NELL2: variants seen among roughly 807,000 people sequenced by gnomAD.
NELL2 encodes protein kinase C-binding protein NELL2.
A neutral mutation model predicts 109.6 loss-of-function variants in NELL2; 41 were observed. The ratio of observed to expected loss-of-function variants is 0.37; its 90% CI spans 0.29 to 0.49. NELL2 has a LOEUF of 0.49. NELL2 is among the 20% of genes least tolerant of loss of function. The pLI is 0.98. For synonymous variants in NELL2, 355 were observed against 344.7 expected (o/e 1.03, Z -0.33); for missense variants, 900 against 1,008.3 (o/e 0.89, Z 1.45).
At chr12:44,547,858 CT>C (rs1942865163) in intron 15 of NELL2, among the ~76,000 whole-genome samples, 1 of 152,120 alleles carries the variant, frequency 6.6e-6, no homozygotes, top group Non-Finnish European at 1.5e-5. Context: ...CATTCCCTTC[CT>C]TTTGAGGCAC....
At chr12:44,594,616 A>T (rs908888593) in intron 15 of NELL2, among the ~76,000 whole-genome samples, 2 of 152,172 alleles carry the variant, frequency 1.3e-5, no homozygotes, top group African/African-American at 2.4e-5. Flanking sequence ...ACAAGTATAG[A>T]ATACTGCTTA....
At chr12:44,663,652 T>C (rs1173542231) in intron 13 of NELL2, among the ~76,000 whole-genome samples, 4 of 152,154 alleles carry the variant, frequency 2.6e-5, no homozygotes, top group African/African-American at 4.8e-5. Flanking sequence ...AAAACAAACA[T>C]TAATTTGTAG....
At chr12:44,858,602 C>A (rs1944749076) in intron 2 of NELL2, among the ~76,000 whole-genome samples, 1 of 152,326 alleles carries the variant, frequency 6.6e-6, no homozygotes, top group East Asian at 1.9e-4. Flanking sequence ...ATATCCAAGT[C>A]TCTACAAATA....
intron 12 of NELL2, among the ~76,000 whole-genome samples, chr12:44,687,361 G>A (rs149080127): frequency 5.3e-4 from 81 of 152,278 alleles, no homozygotes; most frequent in East Asian, 3.3e-3. Flanking sequence ...GAAATCACCC[G>A]TCTTCTGTGT....
intron 3 of NELL2, among the ~76,000 whole-genome samples, chr12:44,790,451 A>C (rs1039399039): frequency 1.3e-5 from 2 of 152,220 alleles, no homozygotes; most frequent in African/African-American, 4.8e-5. Context: ...CTACCAAGCC[A>C]ACATTACAAG....
chr12:44,777,265 G>T lies in NELL2; in HGVS notation c.656C>A (p.Ala219Asp), dbSNP rs1021935319. Residue 219 changes from alanine (A) to aspartate (D), a missense_variant, in exon 6 of 20, where the codon GCT (alanine) becomes GAT (aspartate). By Grantham distance (126) the Ala-to-Asp change is moderately radical. Coordinates refer to ENST00000429094, the MANE Select transcript of NELL2 (RefSeq NM_001145108.2). Reference protein sequence around the residue: ...QLLVMPQGFIAQCPDLNRTCP... With the variant: ...QLLVMPQGFIDQCPDLNRTCP... ...ACTGCGATTAAGATCTGGGCACTGA[G>T]CAATAAATCCCTGGGGCATGACAAG... 6.2e-7 allele frequency: 1 copy of T among 1,613,620 alleles called. No homozygotes were observed. Among genetic ancestry groups the T allele is most frequent in the Non-Finnish European group, 8.5e-7 (1 of 1,179,680 alleles).
intron 16 of NELL2, among the ~76,000 whole-genome samples, chr12:44,527,658 G>C (rs966645154): frequency 5.9e-5 from 9 of 152,146 alleles, no homozygotes; most frequent in African/African-American, 1.4e-4. Flanking sequence ...CCTTCTCTGA[G>C]ATAATCATAC....
intron 15 of NELL2, among the ~76,000 whole-genome samples, chr12:44,574,662 C>T (rs74087622): frequency 0.066 from 10,079 of 151,982 alleles, 1,059 homozygotes; most frequent in African/African-American, 0.23. Context: ...ATATTTATAG[C>T]AATATTACAA....
chr12:44,574,704 T>C (rs1044060190), intron 15 of NELL2, among the ~76,000 whole-genome samples: 4 of 152,184 alleles, frequency 2.6e-5, no homozygotes, highest in African/African-American at 9.6e-5. Flanking sequence ...AAAAATACCA[T>C]TTGAATTAAG....
intron 12 of NELL2, among the ~76,000 whole-genome samples, chr12:44,676,526 A>C (rs1948325912): frequency 6.6e-6 from 1 of 152,168 alleles, no homozygotes; most frequent in Non-Finnish European, 1.5e-5. Context: ...TGTATGATTG[A>C]AGGATAAGAC....
At chr12:44,856,139 G>C (rs1228833255) in intron 2 of NELL2, among the ~76,000 whole-genome samples, 2 of 152,202 alleles carry the variant, frequency 1.3e-5, no homozygotes, top group East Asian at 1.9e-4. Flanking sequence ...ACAATGCAGA[G>C]ACTCAAGCCC....
chr12:44,684,849 G>C (rs899944736), intron 12 of NELL2, among the ~76,000 whole-genome samples: 11 of 152,088 alleles, frequency 7.2e-5, no homozygotes, highest in Non-Finnish European at 1.3e-4. Flanking sequence ...TATGTGGTCA[G>C]TTTTGGGATA....
rs1305333198 is a variant in NELL2, at chr12:44,742,876, T to TCC, written c.995-28136_995-28135insGG. 4.6e-5 allele frequency among the ~76,000 whole-genome samples: 7 copies of TCC among 152,252 alleles called. No individual in the cohort carries two copies. In the East Asian group the frequency reaches 1.3e-3, roughly 29 times the overall value. ...AATGGAACCAAGTTGGAAAACACGATGCAGGATATTATCCAGGAGAACTTC... is the reference window on the plus strand; with the variant it reads ...AATGGAACCAAGTTGGAAAACACGATCCGCAGGATATTATCCAGGAGAACTTC... On this transcript the variant is annotated intron_variant, in intron 9 of 19. Coordinates refer to ENST00000429094, the MANE Select transcript of NELL2 (RefSeq NM_001145108.2).
intron 2 of NELL2, among the ~76,000 whole-genome samples, chr12:44,872,851 C>T (rs1453316442): frequency 6.6e-6 from 1 of 152,124 alleles, no homozygotes; most frequent in African/African-American, 2.4e-5. Flanking sequence ...CTGCAGCACC[C>T]TCAACTCACT....
intron 2 of NELL2, among the ~76,000 whole-genome samples, chr12:44,844,721 A>G (rs970964262): frequency 6.6e-6 from 1 of 152,188 alleles, no homozygotes; most frequent in African/African-American, 2.4e-5. Context: ...GAGCACAAAT[A>G]TAAGTACATA....
At chr12:44,653,263 G>A (rs1309826613) in intron 13 of NELL2, among the ~76,000 whole-genome samples, 1 of 152,050 alleles carries the variant, frequency 6.6e-6, no homozygotes, top group Non-Finnish European at 1.5e-5. Context: ...CAACATATAA[G>A]GTATGTAACA....
intron 1 of NELL2, among the ~76,000 whole-genome samples, chr12:44,892,045 G>A (rs1009076071): frequency 5.3e-5 from 8 of 152,206 alleles, no homozygotes; most frequent in African/African-American, 1.9e-4. Flanking sequence ...TAAGCCTGGT[G>A]ATTGTTTCAC....
intron 9 of NELL2, among the ~76,000 whole-genome samples, chr12:44,769,467 G>T (rs963355678): frequency 6.6e-6 from 1 of 152,032 alleles, no homozygotes; most frequent in Non-Finnish European, 1.5e-5. Context: ...GCCAAGTGTG[G>T]GTGAGGGTGT....
At chr12:44,611,617 C>T (rs1478101992) in intron 13 of NELL2, among the ~76,000 whole-genome samples, 3 of 152,074 alleles carry the variant, frequency 2.0e-5, no homozygotes, top group Non-Finnish European at 2.9e-5. Context: ...TCTGCTCTAA[C>T]TGCTTATAAC....
Sources: gnomAD v4.1 joint callset for allele counts (sites outside exome capture counted in the v4.1 genomes callset) on GRCh38, gnomAD v4.1.1 for gene constraint, MANE v1.5 for transcripts, NCBI Gene and HGNC (gene_info 2026-07-23, HGNC 2026-07-21) for gene names.